Variants in OGFOD3 observed in about 807,000 individuals in gnomAD.
The protein encoded by OGFOD3 is 2-oxoglutarate and iron-dependent oxygenase domain-containing protein 3.
OGFOD3 carries 35 observed loss-of-function variants against 39.8 expected under a neutral mutation model. The observed-to-expected ratio is 0.88, with a 90% confidence interval of 0.67 to 1.17. OGFOD3 has a LOEUF of 1.17. Ranked by LOEUF, OGFOD3 falls within the 50% of genes most tolerant of loss-of-function variation. The probability of loss-of-function intolerance (pLI) is 0.00; values close to 1 mark genes in which losing one functional copy is unlikely to be tolerated. For synonymous variants in OGFOD3, 200 were observed against 192.0 expected, an observed-to-expected ratio of 1.04 and a Z score of -0.34; for missense variants, 438 against 454.5, an observed-to-expected ratio of 0.96 and a Z score of 0.33.
chr17:82,401,980 T>C (rs1599692345), intron 7 of OGFOD3, among the ~76,000 whole-genome samples: 1 of 152,042 alleles, frequency 6.6e-6, no homozygotes, highest in East Asian at 1.9e-4. Context: ...TAATCTTCTA[T>C]TTGAGCTTCA....
chr17:82,398,819 T>G (rs996611698), intron 7 of OGFOD3, among the ~76,000 whole-genome samples: 1 of 151,778 alleles, frequency 6.6e-6, no homozygotes, highest in Non-Finnish European at 1.5e-5. Flanking sequence ...ACAATCCTCC[T>G]GCCTCAGCAT....
intron 7 of OGFOD3, 97 bp from the exon 8 acceptor site, chr17:82,398,416 T>C (rs2052713006): frequency 6.9e-7 from 1 of 1,453,348 alleles, no homozygotes; most frequent in African/African-American, 1.4e-5. Flanking sequence ...TATTTATTTT[T>C]TGAGACAGAG....
chr17:82,396,153 TACG>T (rs2052669239), intron 8 of OGFOD3, among the ~76,000 whole-genome samples: 1 of 151,276 alleles, frequency 6.6e-6, no homozygotes, highest in African/African-American at 2.4e-5. Context: ...TAGACAGATG[TACG>T]ACATCAAATC....
At chr17:82,402,117 G>A (rs1274876585) in intron 7 of OGFOD3, among the ~76,000 whole-genome samples, 4 of 152,044 alleles carry the variant, frequency 2.6e-5, no homozygotes, top group African/African-American at 4.8e-5. Context: ...TGTATTAGCC[G>A]TGCTTTACTT....
rs1367770856 is a variant in OGFOD3 at position 82,415,361 on chromosome 17, C to T, written c.304+37G>A. ...TCGCAGCCAATGTCCTTTAACCACA[C>T]TGAGTCTCATTTTAAAGTGTTGCTT... On this transcript the variant is annotated intron_variant, in intron 2 of 8. Transcript: ENST00000313056. This position sits in a 1 kb window ranked among gnomAD's most constrained non-coding sequence, Gnocchi z 5.3. 1 of 1,587,298 alleles carries T rather than the reference C, an allele frequency of 6.3e-7. No homozygotes were observed. The highest frequency in any genetic ancestry group is 8.6e-7 in the Non-Finnish European group (1 of 1,158,358).
chr17:82,400,307 A>C, intron 7 of OGFOD3, among the ~76,000 whole-genome samples: 1 of 151,686 alleles, frequency 6.6e-6, no homozygotes, highest in Non-Finnish European at 1.5e-5. Flanking sequence ...CCCCCCTTAA[A>C]AGCTTCCCAA....
chr17:82,396,401 A>T (rs1436862227), intron 8 of OGFOD3: 1 of 152,010 alleles, frequency 6.6e-6, no homozygotes, highest in Non-Finnish European at 1.5e-5. Context: ...AATCAGACAG[A>T]TGTACGACAT....
chr17:82,399,719 G>C (rs1217861115), intron 7 of OGFOD3, among the ~76,000 whole-genome samples: 2 of 152,206 alleles, frequency 1.3e-5, no homozygotes, highest in Non-Finnish European at 1.5e-5. Flanking sequence ...GGCAGGATCT[G>C]TCCCTCCGTG....
chr17:82,398,329 G>C lies in OGFOD3; in HGVS notation c.700-10C>G. On this transcript the variant is annotated splice_polypyrimidine_tract_variant and intron_variant, in intron 7 of 8. Transcript: ENST00000313056. ...AGGAGCCGTAGGTCACCTGAGGGCA[G>C]AGCCGGGAGGAGGGGGCAGAATGGG... is the stretch of plus-strand genomic sequence containing the variant. The C allele has an allele frequency of 1.2e-6, 2 of 1,614,064 alleles. No individual in the cohort carries two copies. The highest frequency in any genetic ancestry group is 1.1e-5 in the South Asian group (1 of 91,082).
Position 82,411,714 on chromosome 17 carries a change from C to T in OGFOD3, c.305-184G>A. 9.0e-6 allele frequency: 5 copies of T among 556,082 alleles called. No homozygotes were observed. In the South Asian group the frequency reaches 1.1e-4, roughly 12 times the overall value. The allele number at this position is 556,082 out of a possible 1,614,324, so 34.4% of individuals were successfully genotyped here. ...ATCTGGAGTTCACGTCTCACTGGGCCACCTTGGCTTCCAGTGGCTCCAACT... is the reference window on the plus strand; with the variant it reads ...ATCTGGAGTTCACGTCTCACTGGGCTACCTTGGCTTCCAGTGGCTCCAACT... On this transcript the variant is annotated intron_variant, in intron 2 of 8. Transcript: ENST00000313056.
intron 2 of OGFOD3, among the ~76,000 whole-genome samples, chr17:82,413,358 C>T (rs545388808): frequency 1.4e-3 from 206 of 152,256 alleles, no homozygotes; most frequent in Non-Finnish European, 2.2e-3. Flanking sequence ...CACGTGGCAA[C>T]CAAAGCACAG....
In OGFOD3 at chr17:82,392,909, G is replaced by C. The variant is rs2052616520; in HGVS notation, c.824-375C>G. On this transcript the variant is annotated intron_variant, in intron 8 of 8. Coordinates refer to ENST00000313056, the MANE Select transcript of OGFOD3 (RefSeq NM_024648.3). The surrounding 1 kb of genome is among the most constrained non-coding windows in gnomAD (Gnocchi z 4.2). ...GGGCCTTCCAGATCTGACACTTTAGGATCTTATTTCTAATCACAGGTTGAG... is the reference window on the plus strand; with the variant it reads ...GGGCCTTCCAGATCTGACACTTTAGCATCTTATTTCTAATCACAGGTTGAG... The C allele has an allele frequency of 1.0e-5, 2 of 195,862 alleles. No individual in the cohort carries two copies. 12.1% of individuals were successfully genotyped at this position (195,862 alleles called of 1,614,324 possible). A position where few individuals can be genotyped will look rare whatever the true frequency, so the allele number is the denominator to read the frequency against.
chr17:82,395,640 T>C (rs974748890), intron 8 of OGFOD3, among the ~76,000 whole-genome samples: 1 of 152,100 alleles, frequency 6.6e-6, no homozygotes, highest in Non-Finnish European at 1.5e-5. Flanking sequence ...GCTAACACGG[T>C]GAAACCCCGT....
intron 2 of OGFOD3, 89 bp from the exon 3 acceptor site, chr17:82,411,619 G>T: frequency 1.0e-6 from 1 of 981,446 alleles, no homozygotes. Context: ...TGGCTAATAC[G>T]CCCGGTCAAA....
Position 82,392,019 on chromosome 17 carries a change from A to C in OGFOD3, c.*379T>G. The stretch of plus-strand genomic sequence containing the variant: ...GCTGGCCCCACGTTTGTCCCCATTT[A>C]TGGCTGATGCTTTAGCCAGTCTTTG... On this transcript the variant is annotated 3_prime_UTR_variant, in exon 9 of 9. Transcript: ENST00000313056. This position sits in a 1 kb window ranked among gnomAD's most constrained non-coding sequence, Gnocchi z 4.2. The C allele has an allele frequency of 4.7e-6, 1 of 210,700 alleles. No homozygotes were observed. Among genetic ancestry groups the C allele is most frequent in the Non-Finnish European group, 9.4e-6 (1 of 106,090 alleles). The allele number at this position is 210,700 out of a possible 1,614,324, so 13.1% of individuals were successfully genotyped here.
intron 2 of OGFOD3, among the ~76,000 whole-genome samples, chr17:82,412,189 C>T (rs1425986959): frequency 6.6e-6 from 1 of 152,164 alleles, no homozygotes; most frequent in East Asian, 1.9e-4. Context: ...CGAACTGCTC[C>T]GCACATGCCC....
rs2052834647 is a variant in OGFOD3 at position 82,405,165 on chromosome 17, G to A, written c.545+159C>T. On this transcript the variant is annotated intron_variant, in intron 6 of 8. Transcript: ENST00000313056. ...CCCGGGCGCATCCTGGCCACGCTGG[G>A]CCTGCCCCGGCCTTTGCTCCATGAG... Among the ~76,000 whole-genome samples the A allele has an allele frequency of 2.0e-5, 3 of 152,146 alleles. No individual in the cohort carries two copies. In the South Asian group the frequency reaches 6.2e-4, roughly 32 times the overall value.
chr17:82,397,354 TAA>T (rs2052689284), intron 8 of OGFOD3, among the ~76,000 whole-genome samples: 1 of 76,834 alleles, frequency 1.3e-5, no homozygotes, highest in Non-Finnish European at 2.5e-5. Flanking sequence ...TGGGGACGGG[TAA>T]GGTAGTGGGG....
intron 3 of OGFOD3, among the ~76,000 whole-genome samples, chr17:82,410,339 G>A (rs1489813347): frequency 2.0e-5 from 3 of 152,228 alleles, no homozygotes; most frequent in Non-Finnish European, 4.4e-5. Context: ...GCCCAGGGCT[G>A]CACACCATTC....
Sources: allele counts gnomAD v4.1 joint callset (sites outside exome capture counted in the v4.1 genomes callset), GRCh38; gene constraint gnomAD v4.1.1; non-coding constraint Gnocchi (gnomAD v3.1); transcripts MANE v1.5; gene names NCBI Gene and HGNC (gene_info 2026-07-23, HGNC 2026-07-21).